CORO2A: variants seen among roughly 807,000 people sequenced by gnomAD.
CORO2A encodes the protein coronin 2A.
CORO2A carries 47 observed loss-of-function variants against 62.4 expected under a neutral mutation model. The observed-to-expected ratio is 0.75, with a 90% CI of 0.60 to 0.96. The LOEUF (loss-of-function observed/expected upper bound fraction) is 0.96. CORO2A is among the 40% of genes least tolerant of loss of function. CORO2A has a pLI of 0.00. For synonymous variants in CORO2A, 273 were observed against 268.9 expected (o/e 1.02, Z -0.15); for missense variants, 610 against 684.1 (o/e 0.89, Z 1.21).
chr9:98,121,947 T>C lies in CORO2A; in HGVS notation c.*2827A>G, dbSNP rs921853439. 1 of 151,700 alleles carries C rather than the reference T, an allele frequency of 6.6e-6. No individual in the cohort carries two copies. The highest frequency in any genetic ancestry group is 1.9e-4 in the East Asian group (1 of 5,184). 9.4% of individuals were successfully genotyped at this position (151,700 alleles called of 1,614,324 possible). ...TCTTGGCTAGTGCATCAGACGGGAG[T>C]GAGCCCCAGTGACTGAGTAAATGGA... is the stretch of plus-strand genomic sequence containing the variant. On this transcript the variant is annotated 3_prime_UTR_variant, in exon 12 of 12. Transcript: ENST00000375077.
chr9:98,180,163 C>T (rs905245436), intron 1 of CORO2A, among the ~76,000 whole-genome samples: 2 of 152,170 alleles, frequency 1.3e-5, no homozygotes, highest in South Asian at 2.1e-4. Context: ...CTGCCCTTGG[C>T]GTCTGGCAAA....
At chr9:98,127,817 C>CT (rs1827347679) in intron 10 of CORO2A, among the ~76,000 whole-genome samples, 38 of 49,050 alleles carry the variant, frequency 7.7e-4, no homozygotes, top group Non-Finnish European at 1.2e-3. Context: ...GACTCTGTCT[C>CT]AAAAAAAAAA....
intron 2 of CORO2A, among the ~76,000 whole-genome samples, chr9:98,148,770 C>CA (rs76064838): frequency 5.4e-5 from 8 of 147,512 alleles, no homozygotes; most frequent in Non-Finnish European, 1.0e-4. Flanking sequence ...CAAAACAAAA[C>CA]AAACAAACAA....
At chr9:98,153,688 A>ACACTCT (rs760858560) in intron 2 of CORO2A, among the ~76,000 whole-genome samples, 1 of 149,388 alleles carries the variant, frequency 6.7e-6, no homozygotes, top group Non-Finnish European at 1.5e-5. Flanking sequence ...ACACACACAC[A>ACACTCT]CACACTCACA....
intron 1 of CORO2A, among the ~76,000 whole-genome samples, chr9:98,187,988 T>C (rs1828259995): frequency 6.6e-6 from 1 of 152,216 alleles, no homozygotes; most frequent in African/African-American, 2.4e-5. Context: ...AGTAGCTCCG[T>C]CATACACTCG....
intron 2 of CORO2A, among the ~76,000 whole-genome samples, chr9:98,138,041 A>T (rs977413556): frequency 5.9e-5 from 9 of 152,284 alleles, no homozygotes; most frequent in Admixed American, 2.0e-4. Context: ...GCTCTTTTGG[A>T]AAATAGTCTG....
At chr9:98,152,911 A>T (rs890954570) in intron 2 of CORO2A, among the ~76,000 whole-genome samples, 1 of 152,178 alleles carries the variant, frequency 6.6e-6, no homozygotes, top group Non-Finnish European at 1.5e-5. Context: ...CTAGATCAGA[A>T]AAAAAAGCTA....
intron 1 of CORO2A, among the ~76,000 whole-genome samples, chr9:98,160,851 G>C (rs528033946): frequency 4.0e-5 from 6 of 151,866 alleles, no homozygotes; most frequent in African/African-American, 1.5e-4. Flanking sequence ...CCGTTAGCCA[G>C]TGGATCATGG....
At chr9:98,136,978 G>A (rs1261607191) in intron 3 of CORO2A, among the ~76,000 whole-genome samples, 1 of 152,158 alleles carries the variant, frequency 6.6e-6, no homozygotes, top group Non-Finnish European at 1.5e-5. Context: ...GTGAGCCACT[G>A]AACCTGGCAT....
chr9:98,147,680 T>A (rs1251798802), intron 2 of CORO2A, among the ~76,000 whole-genome samples: 2 of 152,196 alleles, frequency 1.3e-5, no homozygotes, highest in Admixed American at 6.5e-5. Context: ...TTCCATGCAA[T>A]ATTTTACTTA....
chr9:98,188,921 G>A (rs997798393), intron 1 of CORO2A, among the ~76,000 whole-genome samples: 5 of 152,166 alleles, frequency 3.3e-5, no homozygotes, highest in African/African-American at 9.7e-5. Context: ...TTAGGCAGGC[G>A]GTAAACCCTC....
At chr9:98,124,952 C>G (rs1191428786) in intron 11 of CORO2A, 47 bp from the exon 12 acceptor site, 1 of 1,546,600 alleles carries the variant, frequency 6.5e-7, no homozygotes, top group African/African-American at 1.4e-5. Context: ...TGTCAGGACA[C>G]CAGCTGAAAG....
chr9:98,154,352 T>TATATACAC (rs71369555), intron 2 of CORO2A, among the ~76,000 whole-genome samples: 7 of 94,058 alleles, frequency 7.4e-5, no homozygotes, highest in Admixed American at 2.3e-4. Flanking sequence ...TATATATATA[T>TATATACAC]ACACAAATAC....
At chr9:98,145,694 G>A (rs1827635659) in intron 2 of CORO2A, among the ~76,000 whole-genome samples, 1 of 152,110 alleles carries the variant, frequency 6.6e-6, no homozygotes, top group Non-Finnish European at 1.5e-5. Flanking sequence ...CTTGAGAAGG[G>A]TCAGGTTGGC....
intron 2 of CORO2A, among the ~76,000 whole-genome samples, chr9:98,138,108 T>A (rs1204991958): frequency 6.6e-6 from 1 of 152,154 alleles, no homozygotes; most frequent in Admixed American, 6.6e-5. Flanking sequence ...CACTCCTAGG[T>A]CTATCTCCAT....
intron 2 of CORO2A, among the ~76,000 whole-genome samples, chr9:98,148,212 T>C (rs2985030): frequency 6.7e-6 from 1 of 150,300 alleles, no homozygotes; most frequent in African/African-American, 2.5e-5. Context: ...CTGGCCAACA[T>C]AGCAAAACCC....
chr9:98,173,854 C>T (rs967308335), intron 1 of CORO2A, among the ~76,000 whole-genome samples: 16 of 151,872 alleles, frequency 1.1e-4, no homozygotes, highest in African/African-American at 2.7e-4. Context: ...TGGTGGCTCA[C>T]GCCTGTAATC....
At chr9:98,142,275 A>C (rs1226323145) in intron 2 of CORO2A, among the ~76,000 whole-genome samples, 1 of 152,216 alleles carries the variant, frequency 6.6e-6, no homozygotes, top group Non-Finnish European at 1.5e-5. Context: ...TCCAGCATGG[A>C]GTAGGGACTT....
At chr9:98,160,856 T>C (rs749241937) in intron 1 of CORO2A, among the ~76,000 whole-genome samples, 4 of 151,658 alleles carry the variant, frequency 2.6e-5, no homozygotes, top group Non-Finnish European at 5.9e-5. Context: ...AGCCAGTGGA[T>C]CATGGGAGGC....
Sources: gnomAD v4.1 joint callset for allele counts (sites outside exome capture counted in the v4.1 genomes callset) on GRCh38, gnomAD v4.1.1 for gene constraint, MANE v1.5 for transcripts, NCBI Gene and HGNC (gene_info 2026-07-23, HGNC 2026-07-21) for gene names.